Variants in KANSL1 observed in about 807,000 individuals in gnomAD.
KANSL1 encodes the protein KAT8 regulatory NSL complex subunit 1.
A neutral mutation model predicts 103.6 loss-of-function variants in KANSL1; 22 were observed. The ratio of observed to expected loss-of-function variants is 0.21; its 90% CI spans 0.15 to 0.30. The LOEUF is 0.30. Ranked by LOEUF, KANSL1 falls within the 10% of genes least tolerant of loss-of-function variation. The probability of loss-of-function intolerance (pLI) is 1.00; values close to 1 mark genes in which losing one functional copy is unlikely to be tolerated. For synonymous variants in KANSL1, 600 were observed against 527.6 expected, an observed-to-expected ratio of 1.14 and a Z score of -1.88; for missense variants, 1,337 against 1,399.8, an observed-to-expected ratio of 0.96 and a Z score of 0.72.
At chr17:46,144,607 C>T (rs557992730) in intron 2 of KANSL1, among the ~76,000 whole-genome samples, 1 of 152,186 alleles carries the variant, frequency 6.6e-6, no homozygotes, top group East Asian at 1.9e-4. Context: ...CTGTATATGA[C>T]AGGGGGTACC....
chr17:46,147,572 T>TAAAAAAAA (rs10717937), intron 2 of KANSL1, among the ~76,000 whole-genome samples: 1 of 103,068 alleles, frequency 9.7e-6, no homozygotes. Flanking sequence ...TGAGACTCTT[T>TAAAAAAAA]AAAAAAAAAA....
chr17:46,158,535 G>C (rs1345829767), intron 2 of KANSL1, among the ~76,000 whole-genome samples: 1 of 151,854 alleles, frequency 6.6e-6, no homozygotes, highest in Non-Finnish European at 1.5e-5. Flanking sequence ...GCCAATTTTT[G>C]TATTTTTTGT....
chr17:46,099,143 G>A lies in KANSL1; in HGVS notation c.1290-4442C>T, dbSNP rs2042202111. 3.2e-5 allele frequency among the ~76,000 whole-genome samples: 4 copies of A among 124,534 alleles called. No homozygotes were observed. In the Admixed American group the frequency reaches 3.5e-4, roughly 11 times the overall value. 81.7% of individuals were successfully genotyped at this position (124,534 alleles called of 152,430 possible). On this transcript the variant is annotated intron_variant, in intron 2 of 14. Coordinates refer to ENST00000432791, the MANE Select transcript of KANSL1 (RefSeq NM_015443.4). ...TCGAGACCATCCTGGCTAACACGGT[G>A]AAACCCCGTCTCTACTAAAAATACA...
chr17:46,196,722 A>G (rs2047622247), upstream of KANSL1: 1 of 261,810 alleles, frequency 3.8e-6, no homozygotes, highest in Non-Finnish European at 7.5e-6. Context: ...GTCAAAAAAC[A>G]ATGATTGAGT....
intron 1 of KANSL1, among the ~76,000 whole-genome samples, chr17:46,213,474 T>C (rs1367351389): frequency 2.6e-5 from 4 of 150,996 alleles, no homozygotes; most frequent in African/African-American, 7.3e-5. Context: ...CTAATTTTTT[T>C]TTTTTTTTTT....
intron 4 of KANSL1, among the ~76,000 whole-genome samples, chr17:46,081,163 G>GT: frequency 6.6e-6 from 1 of 152,108 alleles, no homozygotes; most frequent in Non-Finnish European, 1.5e-5. Flanking sequence ...AAGTGCTGAG[G>GT]TAAGAGAAAA....
intron 2 of KANSL1, among the ~76,000 whole-genome samples, chr17:46,134,549 A>C (rs576144506): frequency 1.3e-5 from 2 of 152,104 alleles, no homozygotes; most frequent in African/African-American, 4.8e-5. Flanking sequence ...GTTACTTAAA[A>C]GACGAGGAGG....
intron 3 of KANSL1, among the ~76,000 whole-genome samples, chr17:46,089,172 G>A (rs966046366): frequency 3.9e-5 from 6 of 152,126 alleles, no homozygotes; most frequent in African/African-American, 1.4e-4. Flanking sequence ...GCATGGAAGA[G>A]TTTCTTTTTA....
At chr17:46,191,391 G>A (rs1330202045) in intron 1 of KANSL1, among the ~76,000 whole-genome samples, 3 of 152,172 alleles carry the variant, frequency 2.0e-5, no homozygotes, top group Non-Finnish European at 2.9e-5. Flanking sequence ...TGCTAGAAAA[G>A]GAACCAAGTA....
At chr17:46,075,148 A>G (rs1445010432) in intron 4 of KANSL1, among the ~76,000 whole-genome samples, 2 of 152,244 alleles carry the variant, frequency 1.3e-5, no homozygotes, top group Admixed American at 1.3e-4. Flanking sequence ...ATTCTGGACA[A>G]CAGAAAGGAC....
chr17:46,050,432 T>C (rs1598482519), intron 7 of KANSL1, 101 bp downstream of exon 7: 2 of 1,224,784 alleles, frequency 1.6e-6, no homozygotes, highest in Non-Finnish European at 2.3e-6. Context: ...AGTTGTACCT[T>C]GAAAGTATCT....
At chr17:46,105,123 T>C (rs1180652385) in intron 2 of KANSL1, among the ~76,000 whole-genome samples, 1 of 152,210 alleles carries the variant, frequency 6.6e-6, no homozygotes, top group Admixed American at 6.5e-5. Flanking sequence ...TACTGTGTCT[T>C]CTTTAGAGAA....
At chr17:46,151,365 A>G (rs2045091521) in intron 2 of KANSL1, among the ~76,000 whole-genome samples, 1 of 152,164 alleles carries the variant, frequency 6.6e-6, no homozygotes, top group Admixed American at 6.5e-5. Flanking sequence ...CTTCCTCAAG[A>G]TCTTCACAGG....
rs745815425 is a variant in KANSL1 at position 46,034,154 on chromosome 17, C to T, written c.2666+7G>A. 25 of 1,613,436 alleles carry T rather than the reference C, an allele frequency of 1.5e-5. No homozygotes were observed. Among genetic ancestry groups the T allele is most frequent in the Non-Finnish European group, 1.9e-5 (22 of 1,179,748 alleles). On this transcript the variant is annotated splice_region_variant and intron_variant, in intron 11 of 14. Coordinates refer to ENST00000432791, the MANE Select transcript of KANSL1 (RefSeq NM_015443.4). Reference sequence around the variant, plus strand: ...GGGGAGAGGAGCCAACTATTCTGAGCTTCTACCTGGGCGTAAGGATTTCCT... The same window carrying T: ...GGGGAGAGGAGCCAACTATTCTGAGTTTCTACCTGGGCGTAAGGATTTCCT...
At chr17:46,128,420 C>T (rs374075278) in intron 2 of KANSL1, among the ~76,000 whole-genome samples, 234 of 151,992 alleles carry the variant, frequency 1.5e-3, no homozygotes, top group African/African-American at 5.6e-3. Flanking sequence ...ATTCACATTC[C>T]AGAGGTAAGA....
chr17:46,065,459 C>A (rs1260278697), intron 6 of KANSL1, among the ~76,000 whole-genome samples: 1 of 152,100 alleles, frequency 6.6e-6, no homozygotes. Flanking sequence ...GAATGAACAA[C>A]AACAAAAGTG....
In KANSL1 at chr17:46,171,158, A is replaced by G. The variant is rs1250183733; in HGVS notation, c.986T>C (p.Leu329Ser). 9 of 1,614,116 alleles carry G rather than the reference A, an allele frequency of 5.6e-6. No homozygotes were observed. Among genetic ancestry groups the G allele is most frequent in the Admixed American group, 1.7e-5 (1 of 60,014 alleles). The change falls in exon 2 of 15, where the codon TTG (leucine) becomes TCG (serine). Residue 329 changes from leucine (L) to serine (S), a missense_variant. By Grantham distance (145) the Leu-to-Ser change is moderately radical. This residue lies in a region of KANSL1 where 557 missense variants were observed against 476.4 expected (regional missense o/e 1.17). Transcript: ENST00000432791. ...GGATTCCAAGTTTGGCAGTTTGCTC[A>G]AAGTCTTCTCCAAAAATCCACCCAG... Reference protein sequence around the residue: ...HQLGGFLEKTLSKLPNLESLR... With the variant: ...HQLGGFLEKTSSKLPNLESLR...
chr17:46,214,606 A>G (rs1052584754), intron 1 of KANSL1, among the ~76,000 whole-genome samples: 1 of 152,258 alleles, frequency 6.6e-6, no homozygotes, highest in African/African-American at 2.4e-5. Context: ...GTGAGCCGAG[A>G]TCGCGCCGTT....
At chr17:46,152,420 G>A (rs978043446) in intron 2 of KANSL1, among the ~76,000 whole-genome samples, 6 of 152,280 alleles carry the variant, frequency 3.9e-5, no homozygotes, top group Non-Finnish European at 7.4e-5. Flanking sequence ...TTTTGAAGAC[G>A]AATCAGCTAT....
Sources: allele counts gnomAD v4.1 joint callset (sites outside exome capture counted in the v4.1 genomes callset), GRCh38; gene constraint gnomAD v4.1.1; regional missense constraint gnomAD v4.1.1; transcripts MANE v1.5; gene names NCBI Gene and HGNC (gene_info 2026-07-23, HGNC 2026-07-21).